ROBO1: variants seen among roughly 807,000 people sequenced by gnomAD.
ROBO1 encodes the protein roundabout homolog 1.
A neutral mutation model predicts 195.9 loss-of-function variants in ROBO1; 149 were observed. That is an observed-to-expected ratio of 0.76 (90% CI 0.67 to 0.87). The LOEUF is 0.87. Ranked by LOEUF, ROBO1 falls within the 40% of genes least tolerant of loss-of-function variation. ROBO1 has a pLI of 0.00. For missense variants in ROBO1, 1,933 were observed against 2,068.3 expected, an observed-to-expected ratio of 0.93 and a Z score of 1.27; for synonymous variants, 816 against 733.2, an observed-to-expected ratio of 1.11 and a Z score of -1.82.
At chr3:79,599,363 T>C (rs900477931) in intron 1 of ROBO1, among the ~76,000 whole-genome samples, 3 of 152,078 alleles carry the variant, frequency 2.0e-5, no homozygotes, top group African/African-American at 7.2e-5. Flanking sequence ...ATATTTTTAA[T>C]ATAGTGCATT....
intron 1 of ROBO1, among the ~76,000 whole-genome samples, chr3:79,738,538 A>C (rs1428253375): frequency 2.0e-5 from 3 of 152,210 alleles, no homozygotes; most frequent in Non-Finnish European, 2.9e-5. Context: ...ACTCATAGAA[A>C]AAAGTTATTC....
chr3:79,252,059 G>A (rs1178391890), intron 2 of ROBO1, among the ~76,000 whole-genome samples: 1 of 151,862 alleles, frequency 6.6e-6, no homozygotes, highest in East Asian at 1.9e-4. Flanking sequence ...TTGTGTGATG[G>A]CAACTCTATT....
At chr3:79,667,572 G>A (rs934662346) in intron 1 of ROBO1, among the ~76,000 whole-genome samples, 2 of 151,724 alleles carry the variant, frequency 1.3e-5, no homozygotes, top group African/African-American at 4.8e-5. Context: ...AAAGACATGG[G>A]AACTTTTAAA....
At chr3:79,371,821 G>A (rs1050854714) in intron 2 of ROBO1, among the ~76,000 whole-genome samples, 24 of 152,292 alleles carry the variant, frequency 1.6e-4, no homozygotes, top group African/African-American at 5.8e-4. Context: ...TAAGGGTGGT[G>A]CCCTCATCTG....
At chr3:78,774,085 G>A (rs151114614) in intron 4 of ROBO1, among the ~76,000 whole-genome samples, 242 of 152,316 alleles carry the variant, frequency 1.6e-3, no homozygotes, top group African/African-American at 5.5e-3. Flanking sequence ...ATAGTTGATA[G>A]TATGTGGCAG....
intron 2 of ROBO1, among the ~76,000 whole-genome samples, chr3:79,325,912 A>G (rs966235878): frequency 8.5e-5 from 13 of 152,070 alleles, no homozygotes; most frequent in Non-Finnish European, 1.3e-4. Context: ...AGCAAATGGG[A>G]GAAATATCGC....
chr3:79,517,876 T>C, intron 2 of ROBO1, among the ~76,000 whole-genome samples: 1 of 152,220 alleles, frequency 6.6e-6, no homozygotes, highest in East Asian at 1.9e-4. Flanking sequence ...GGAACAATGA[T>C]TGAATGAATG....
chr3:78,913,292 C>T (rs1474492453), intron 4 of ROBO1, among the ~76,000 whole-genome samples: 3 of 152,042 alleles, frequency 2.0e-5, no homozygotes, highest in East Asian at 1.9e-4. Context: ...AGGGCTAACC[C>T]AGCTAAATAG....
intron 2 of ROBO1, among the ~76,000 whole-genome samples, chr3:79,230,436 C>A (rs1576846166): frequency 6.6e-6 from 1 of 152,014 alleles, no homozygotes; most frequent in East Asian, 1.9e-4. Flanking sequence ...TCACCCCTTG[C>A]AGAGTCCCCT....
chr3:79,366,922 A>G (rs1361564474), intron 2 of ROBO1, among the ~76,000 whole-genome samples: 5 of 152,212 alleles, frequency 3.3e-5, no homozygotes, highest in Admixed American at 6.5e-5. Context: ...TTTACATTAT[A>G]TAGCTTTCAG....
intron 2 of ROBO1, among the ~76,000 whole-genome samples, chr3:79,414,193 C>A (rs928948555): frequency 4.0e-5 from 6 of 151,620 alleles, no homozygotes; most frequent in African/African-American, 1.5e-4. Flanking sequence ...CTCTCTCTCT[C>A]TCTCTTTCTC....
At position 78,670,287 on chromosome 3, in the gene ROBO1, G is replaced by T. The variant is rs1358506393; in HGVS notation, c.1357C>A (p.Pro453Thr). Residue 453 changes from proline (P) to threonine (T), a missense_variant, in exon 11 of 31, where the codon CCT (proline) becomes ACT (threonine). Around this residue, in one of 3 missense-constraint regions of ROBO1, gnomAD observed 1,737 missense variants for 1,882.5 expected, o/e 0.92. Coordinates refer to ENST00000464233, the MANE Select transcript of ROBO1 (RefSeq NM_002941.4). ...LEVTDVIADR[P>T]PPVIRQGPVN... ...GGACCTTGTCGAATAACTGGGGGAG[G>T]CCGATCTGCAATCACTGCCAGAAGA... is the stretch of plus-strand genomic sequence containing the variant. 3 of 1,563,598 alleles carry T rather than the reference G, an allele frequency of 1.9e-6. No individual in the cohort carries two copies. The African/African-American group carries it at 4.1e-5, about 21-fold the overall frequency.
intron 4 of ROBO1, among the ~76,000 whole-genome samples, chr3:78,766,076 A>G (rs1450743677): frequency 6.6e-6 from 1 of 152,182 alleles, no homozygotes; most frequent in Non-Finnish European, 1.5e-5. Flanking sequence ...GGCCAAGTAT[A>G]CTTTTGACCA....
intron 2 of ROBO1, among the ~76,000 whole-genome samples, chr3:79,291,274 T>C (rs948048279): frequency 6.6e-6 from 1 of 152,206 alleles, no homozygotes; most frequent in African/African-American, 2.4e-5. Context: ...TTCATCATGT[T>C]GGCCCCTAAC....
intron 2 of ROBO1, among the ~76,000 whole-genome samples, chr3:79,331,179 C>T (rs1167248091): frequency 6.6e-6 from 1 of 152,160 alleles, no homozygotes; most frequent in Admixed American, 6.5e-5. Flanking sequence ...ATGAATGCTT[C>T]AGCATAAATA....
intron 2 of ROBO1, chr3:79,532,943 T>C (rs540366137): frequency 4.0e-6 from 1 of 250,534 alleles, no homozygotes; most frequent in Non-Finnish European, 8.1e-6. Context: ...TAGGGGACTG[T>C]CAATTAGGCA....
At chr3:79,481,598 T>C (rs12635896) in intron 2 of ROBO1, among the ~76,000 whole-genome samples, 23,221 of 152,144 alleles carry the variant, frequency 0.15, 2,325 homozygotes, top group African/African-American at 0.29. Context: ...TTTCTCATAC[T>C]TAATGGTCAA....
chr3:78,809,933 C>A (rs1439686545), intron 4 of ROBO1, among the ~76,000 whole-genome samples: 5 of 151,034 alleles, frequency 3.3e-5, no homozygotes, highest in African/African-American at 2.4e-5. Context: ...CATGTGTATA[C>A]CTATGTAACA....
intron 5 of ROBO1, among the ~76,000 whole-genome samples, chr3:78,725,948 TCAG>T (rs2082151963): frequency 1.4e-5 from 2 of 144,266 alleles, no homozygotes; most frequent in African/African-American, 2.6e-5. Context: ...TTTTTTTTTT[TCAG>T]ACATCACCCC....
Sources: gnomAD v4.1 joint callset for allele counts (sites outside exome capture counted in the v4.1 genomes callset) on GRCh38, gnomAD v4.1.1 for gene constraint, gnomAD v4.1.1 regional missense constraint, MANE v1.5 for transcripts, NCBI Gene and HGNC (gene_info 2026-07-23, HGNC 2026-07-21) for gene names.